Variants in SLC44A1 observed in about 807,000 individuals in gnomAD.
The protein encoded by SLC44A1 is choline transporter-like protein 1.
A neutral mutation model predicts 79.3 loss-of-function variants in SLC44A1; 26 were observed. The observed-to-expected ratio is 0.33, with a 90% CI of 0.24 to 0.46. SLC44A1 has a LOEUF of 0.46. Among genes scored for constraint, SLC44A1 ranks in the 20% least tolerant of loss-of-function variants. The pLI is 1.00. For synonymous variants in SLC44A1, 263 were observed against 286.2 expected (o/e 0.92, Z 0.82); for missense variants, 688 against 798.1 (o/e 0.86, Z 1.66).
intron 1 of SLC44A1, among the ~76,000 whole-genome samples, chr9:105,257,450 C>T (rs1446430849): frequency 1.3e-5 from 2 of 152,018 alleles, no homozygotes; most frequent in African/African-American, 2.4e-5. Flanking sequence ...AGGCTGGCCT[C>T]AAATTCCTGG....
intron 1 of SLC44A1, among the ~76,000 whole-genome samples, chr9:105,275,561 A>G (rs1313411624): frequency 6.6e-6 from 1 of 152,190 alleles, no homozygotes; most frequent in Admixed American, 6.5e-5. Flanking sequence ...TAAAATTTGT[A>G]ACCTTCTTTT....
At chr9:105,271,434 T>C (rs1385841164) in intron 1 of SLC44A1, among the ~76,000 whole-genome samples, 1 of 152,198 alleles carries the variant, frequency 6.6e-6, no homozygotes, top group Non-Finnish European at 1.5e-5. Context: ...GAATTTGGTC[T>C]TAAAGGATGA....
chr9:105,318,872 T>A (rs1826289711), intron 3 of SLC44A1, among the ~76,000 whole-genome samples: 1 of 152,078 alleles, frequency 6.6e-6, no homozygotes, highest in Non-Finnish European at 1.5e-5. Context: ...CTCCGTGTTG[T>A]TTGACTAGGT....
rs769602934 is a variant in SLC44A1, at chr9:105,383,169, A to G, written c.1679A>G (p.Asn560Ser). ...STGLAGIMLL[N>S]YQQDYTVWVL... ...GGTTTAGCTGGGATTATGCTGCTCAACTACCAGCAGGACTACACAGTATGG... is the reference window on the plus strand; with the variant it reads ...GGTTTAGCTGGGATTATGCTGCTCAGCTACCAGCAGGACTACACAGTATGG... The change falls in exon 14 of 16, where the codon AAC (asparagine) becomes AGC (serine). Residue 560 changes from asparagine to serine, a missense_variant. Transcript: ENST00000374720. 7.4e-6 allele frequency: 12 copies of G among 1,614,154 alleles called. No individual in the cohort carries two copies. Among genetic ancestry groups the G allele is most frequent in the East Asian group, 6.7e-5 (3 of 44,886 alleles).
chr9:105,246,175 C>A (rs1829441483), intron 1 of SLC44A1, among the ~76,000 whole-genome samples: 1 of 152,124 alleles, frequency 6.6e-6, no homozygotes, highest in Admixed American at 6.6e-5. Context: ...AAAAATTCCT[C>A]CAGAAAGCTA....
At chr9:105,256,617 C>T (rs1278068351) in intron 1 of SLC44A1, among the ~76,000 whole-genome samples, 2 of 149,022 alleles carry the variant, frequency 1.3e-5, no homozygotes, top group South Asian at 2.1e-4. Context: ...GGTTGGAGTG[C>T]GGTGGTGAGA....
In SLC44A1 at chr9:105,342,985, A is replaced by AT. The variant is rs200233725; in HGVS notation, c.407-5373_407-5372insT. ...CAAGATCCTTGTCTCTAAAAAAAAA[A>AT]AAATATATATATATAAATAAATAGA... On this transcript the variant is annotated intron_variant, in intron 4 of 15. Transcript: ENST00000374720. 3.3e-3 allele frequency among the ~76,000 whole-genome samples: 455 copies of AT among 137,426 alleles called. 4 individuals carry two copies. Among genetic ancestry groups the AT allele is most frequent in the African/African-American group, 1.0e-2 (399 of 39,994 alleles). The allele number at this position is 137,426 out of a possible 152,430, so 90.2% of individuals were successfully genotyped here.
At chr9:105,336,112 A>G (rs1239940005) in intron 4 of SLC44A1, among the ~76,000 whole-genome samples, 1 of 150,206 alleles carries the variant, frequency 6.7e-6, no homozygotes, top group Non-Finnish European at 1.5e-5. Flanking sequence ...ATATATATAC[A>G]TACATATGTG....
chr9:105,404,857 A>G (rs898245494), intron 15 of SLC44A1, among the ~76,000 whole-genome samples: 2 of 152,240 alleles, frequency 1.3e-5, no homozygotes, highest in African/African-American at 4.8e-5. Flanking sequence ...CTTCCTTTGT[A>G]AAATGGGAAT....
At chr9:105,398,071 G>A (rs1262957712), downstream of SLC44A1, among the ~76,000 whole-genome samples, 1 of 152,250 alleles carries the variant, frequency 6.6e-6, no homozygotes, top group East Asian at 1.9e-4. Context: ...TCTGTAATGA[G>A]TTTAGTGCGT....
chr9:105,322,406 G>C (rs2131333981), intron 3 of SLC44A1, among the ~76,000 whole-genome samples: 1 of 152,276 alleles, frequency 6.6e-6, no homozygotes, highest in African/African-American at 2.4e-5. Context: ...GAGTAGAAGA[G>C]TGTATCAGTC....
chr9:105,279,967 T>G (rs752563873), intron 1 of SLC44A1, among the ~76,000 whole-genome samples: 1 of 152,182 alleles, frequency 6.6e-6, no homozygotes, highest in Admixed American at 6.5e-5. Context: ...AATATAAAAT[T>G]AGAAATAACC....
At position 105,303,664 on chromosome 9, in the gene SLC44A1, T is replaced by C. The variant is rs1008907585; in HGVS notation, c.126+4355T>C. Among the ~76,000 whole-genome samples the C allele has an allele frequency of 5.3e-5, 8 of 152,268 alleles. No homozygotes were observed. The South Asian group carries it at 1.2e-3, about 24-fold the overall frequency. ...AGCTCAATAACTGTCTAAGATTACA[T>C]AGTGGCAGCACTGAACCCAGAAGAG... is the stretch of plus-strand genomic sequence containing the variant. On this transcript the variant is annotated intron_variant, in intron 2 of 15. Coordinates refer to ENST00000374720, the MANE Select transcript of SLC44A1 (RefSeq NM_080546.5).
intron 1 of SLC44A1, among the ~76,000 whole-genome samples, chr9:105,262,787 A>G (rs1243495643): frequency 6.6e-6 from 1 of 152,224 alleles, no homozygotes; most frequent in Non-Finnish European, 1.5e-5. Context: ...GTTTCCTACC[A>G]CTACATCAGA....
intron 1 of SLC44A1, among the ~76,000 whole-genome samples, chr9:105,264,292 T>A (rs1028079576): frequency 6.6e-6 from 1 of 152,108 alleles, no homozygotes; most frequent in Non-Finnish European, 1.5e-5. Flanking sequence ...GCCTCCTGAA[T>A]AGCGGGGACC....
At chr9:105,302,311 A>G (rs1360342178) in intron 2 of SLC44A1, among the ~76,000 whole-genome samples, 1 of 152,162 alleles carries the variant, frequency 6.6e-6, no homozygotes, top group Non-Finnish European at 1.5e-5. Flanking sequence ...AGTGGTTTTT[A>G]GCCCTAGCTG....
intron 1 of SLC44A1, among the ~76,000 whole-genome samples, chr9:105,259,759 C>T (rs925008342): frequency 1.3e-5 from 2 of 152,144 alleles, no homozygotes; most frequent in African/African-American, 4.8e-5. Context: ...AAACATTTTT[C>T]AGTGTACACT....
intron 15 of SLC44A1, among the ~76,000 whole-genome samples, chr9:105,407,446 A>G (rs1035513327): frequency 6.6e-6 from 1 of 152,236 alleles, no homozygotes; most frequent in Non-Finnish European, 1.5e-5. Flanking sequence ...CTCACTACAT[A>G]TAAGTGATCC....
At position 105,364,569 on chromosome 9, in the gene SLC44A1, A is replaced by C. The variant is rs575304981; in HGVS notation, c.1102A>C (p.Asn368His). ...TATTTTCCTAGGCAGTCCTGTTCAG[A>C]ATGAGCAAGGCTTTGTGGAGTTCAA... ...FLGTTGSPVQ[N>H]EQGFVEFKIS... is the part of the protein sequence containing the mutation. The change falls in exon 10 of 16, where the codon AAT (asparagine) becomes CAT (histidine). Residue 368 changes from asparagine (N) to histidine (H), a missense_variant. Physicochemically the swap from Asn to His is moderately conservative, Grantham distance 68 (BLOSUM62 1). Coordinates refer to ENST00000374720, the MANE Select transcript of SLC44A1 (RefSeq NM_080546.5). 6.2e-7 allele frequency: 1 copy of C among 1,612,764 alleles called. No homozygotes were observed. The highest frequency in any genetic ancestry group is 1.3e-5 in the African/African-American group (1 of 74,964).
Sources: allele counts gnomAD v4.1 joint callset (sites outside exome capture counted in the v4.1 genomes callset), GRCh38; gene constraint gnomAD v4.1.1; transcripts MANE v1.5; gene names NCBI Gene and HGNC (gene_info 2026-07-23, HGNC 2026-07-21).